PLA2G4A: variants seen among roughly 807,000 people sequenced by gnomAD.
PLA2G4A encodes the protein phospholipase A2 group IVA.
In PLA2G4A, 40 loss-of-function variants were observed where a neutral mutation model predicts 81.9. That is an observed-to-expected ratio of 0.49 (90% CI 0.38 to 0.64). The LOEUF (loss-of-function observed/expected upper bound fraction) is 0.64, where lower values mean the gene tolerates loss of function less well. Among genes scored for constraint, PLA2G4A ranks in the 30% least tolerant of loss-of-function variants. The pLI is 0.00. For missense variants in PLA2G4A, 715 were observed against 905.1 expected, an observed-to-expected ratio of 0.79 and a Z score of 2.69; for synonymous variants, 302 against 296.9, an observed-to-expected ratio of 1.02 and a Z score of -0.18.
chr1:186,939,507 AAAAAAAT>A (rs1396826167), intron 9 of PLA2G4A, among the ~76,000 whole-genome samples: 2 of 137,720 alleles, frequency 1.5e-5, no homozygotes, highest in Non-Finnish European at 1.6e-5. Context: ...AAAAAAAAAA[AAAAAAAT>A]TCACATTTTA....
intron 8 of PLA2G4A, among the ~76,000 whole-genome samples, chr1:186,937,955 T>TC (rs1164379230): frequency 6.6e-6 from 1 of 152,046 alleles, no homozygotes; most frequent in Non-Finnish European, 1.5e-5. Flanking sequence ...ATTAGTTTTC[T>TC]CCCCTCGAAG....
intron 8 of PLA2G4A, 31 bp downstream of exon 8, chr1:186,932,930 A>G (rs1453416815): frequency 1.3e-6 from 2 of 1,502,194 alleles, no homozygotes; most frequent in South Asian, 2.3e-5. Context: ...TTAGTTTTAT[A>G]ACTTTAAATA....
At chr1:186,838,929 T>C (rs1028863005) in intron 1 of PLA2G4A, among the ~76,000 whole-genome samples, 10 of 152,216 alleles carry the variant, frequency 6.6e-5, no homozygotes, top group Admixed American at 6.5e-4. Context: ...AAATCTTTCA[T>C]TTTGCATCTA....
chr1:186,844,690 G>T (rs988736205), intron 1 of PLA2G4A, among the ~76,000 whole-genome samples: 1 of 152,312 alleles, frequency 6.6e-6, no homozygotes, highest in African/African-American at 2.4e-5. Flanking sequence ...AATGTTAAAT[G>T]ACGAGTTAAT....
At chr1:186,879,842 TATA>T (rs1015797254) in intron 3 of PLA2G4A, among the ~76,000 whole-genome samples, 18 of 107,912 alleles carry the variant, frequency 1.7e-4, no homozygotes, top group South Asian at 2.9e-4. Context: ...TATTTATATA[TATA>T]TTTTTTTATT....
chr1:186,870,620 G>A, intron 3 of PLA2G4A, 104 bp downstream of exon 3: 2 of 1,166,768 alleles, frequency 1.7e-6, no homozygotes, highest in South Asian at 1.3e-5. Flanking sequence ...TTCAAATGTG[G>A]TTATGTTTGT....
chr1:186,876,743 T>C (rs1653515614), intron 3 of PLA2G4A, among the ~76,000 whole-genome samples: 1 of 152,086 alleles, frequency 6.6e-6, no homozygotes, highest in Admixed American at 6.6e-5. Context: ...GAGTTCAGAC[T>C]CCATGGCCAT....
At chr1:186,864,028 A>G (rs1340667310) in intron 2 of PLA2G4A, among the ~76,000 whole-genome samples, 2 of 602 alleles carry the variant, frequency 3.3e-3, no homozygotes, top group African/African-American at 0.02. Context: ...TCCCTCCCAA[A>G]GTGCTGGGAT....
At chr1:186,974,685 G>A (rs1571460724) in intron 15 of PLA2G4A, among the ~76,000 whole-genome samples, 1 of 152,188 alleles carries the variant, frequency 6.6e-6, no homozygotes, top group Admixed American at 6.5e-5. Flanking sequence ...ACACAATTCC[G>A]GCATATCGCT....
intron 3 of PLA2G4A, among the ~76,000 whole-genome samples, chr1:186,876,481 A>G (rs929467934): frequency 1.4e-4 from 22 of 152,114 alleles, no homozygotes; most frequent in Non-Finnish European, 2.8e-4. Context: ...GGGGGAATTC[A>G]GTGATCTCCC....
At chr1:186,841,608 A>G (rs1651984131) in intron 1 of PLA2G4A, among the ~76,000 whole-genome samples, 1 of 152,150 alleles carries the variant, frequency 6.6e-6, no homozygotes, top group Admixed American at 6.5e-5. Context: ...CTAGGTGGTG[A>G]TTATGAATAT....
chr1:186,865,423 G>A (rs922291144), intron 2 of PLA2G4A, among the ~76,000 whole-genome samples: 1 of 152,030 alleles, frequency 6.6e-6, no homozygotes, highest in Non-Finnish European at 1.5e-5. Flanking sequence ...ATATTAGAAT[G>A]AAACTCCACA....
chr1:186,857,096 AATATAATT>A lies in PLA2G4A; in HGVS notation c.33+2725_33+2732del, dbSNP rs1313918804. Among the ~76,000 whole-genome samples, 5 of 2,470 alleles carry A rather than the reference AATATAATT, an allele frequency of 2.0e-3. 1 individual carries two copies. The highest frequency in any genetic ancestry group is 6.3e-3 in the East Asian group (1 of 158). The allele number at this position is 2,470 out of a possible 152,430, so 1.6% of individuals were successfully genotyped here. On this transcript the variant is annotated intron_variant, in intron 2 of 17. Coordinates refer to ENST00000367466, the MANE Select transcript of PLA2G4A (RefSeq NM_024420.3). ...CATATATTATACATATATAATATAT[AATATAATT>A]ATATAATTATATAATATTCTATAAT...
chr1:186,868,989 G>T (rs1390154773), intron 2 of PLA2G4A, among the ~76,000 whole-genome samples: 1 of 149,828 alleles, frequency 6.7e-6, no homozygotes, highest in African/African-American at 2.5e-5. Context: ...AAGAACCAAA[G>T]TTTGGTTGCA....
chr1:186,836,017 G>T (rs1388790954), intron 1 of PLA2G4A, among the ~76,000 whole-genome samples: 1 of 151,792 alleles, frequency 6.6e-6, no homozygotes, highest in Non-Finnish European at 1.5e-5. Context: ...TGATGCCTTT[G>T]TTGTCAATGA....
intron 1 of PLA2G4A, among the ~76,000 whole-genome samples, chr1:186,831,006 CTTT>C (rs1651562777): frequency 2.9e-5 from 4 of 137,880 alleles, no homozygotes. Context: ...TTCTTTCTTT[CTTT>C]CTTTCTTTCT....
chr1:186,916,656 G>T (rs1305565722), intron 7 of PLA2G4A, among the ~76,000 whole-genome samples: 4 of 152,126 alleles, frequency 2.6e-5, no homozygotes, highest in Admixed American at 2.6e-4. Context: ...GTGGACATGG[G>T]AGGCTCAGAG....
chr1:186,976,002 G>A (rs191499634), intron 15 of PLA2G4A, among the ~76,000 whole-genome samples: 3 of 152,252 alleles, frequency 2.0e-5, no homozygotes, highest in Admixed American at 2.0e-4. Flanking sequence ...ATAACTCACT[G>A]ATAATTGTTG....
intron 1 of PLA2G4A, among the ~76,000 whole-genome samples, chr1:186,839,207 C>T (rs1453163236): frequency 6.6e-6 from 1 of 152,222 alleles, no homozygotes; most frequent in Admixed American, 6.5e-5. Context: ...AGTCAGGCAG[C>T]ATGGTGAGAA....
Sources: allele counts gnomAD v4.1 joint callset (sites outside exome capture counted in the v4.1 genomes callset), GRCh38; gene constraint gnomAD v4.1.1; transcripts MANE v1.5; gene names NCBI Gene and HGNC (gene_info 2026-07-23, HGNC 2026-07-21).